Variants in GADL1 observed in about 807,000 individuals in gnomAD.
GADL1 encodes the protein acidic amino acid decarboxylase GADL1.
A neutral mutation model predicts 69.5 loss-of-function variants in GADL1; 71 were observed. The observed-to-expected ratio is 1.02, with a 90% confidence interval of 0.84 to 1.25. The LOEUF (loss-of-function observed/expected upper bound fraction) is 1.25, where lower values mean the gene tolerates loss of function less well. Among genes scored for constraint, GADL1 ranks in the 50% most tolerant of loss-of-function variants. The pLI is 0.00. For synonymous variants in GADL1, 254 were observed against 214.4 expected (o/e 1.18, Z -1.62); for missense variants, 737 against 631.8 (o/e 1.17, Z -1.79).
At chr3:30,753,638 T>TTC (rs398105727) in intron 14 of GADL1, among the ~76,000 whole-genome samples, 2 of 151,996 alleles carry the variant, frequency 1.3e-5, no homozygotes, top group African/African-American at 2.4e-5. Context: ...AGATCACTCT[T>TTC]GTTTACTTGC....
chr3:30,776,416 T>G (rs531743936), intron 14 of GADL1, among the ~76,000 whole-genome samples: 61 of 152,344 alleles, frequency 4.0e-4, no homozygotes, highest in African/African-American at 1.5e-3. Context: ...TTTCTCTTTA[T>G]GGGTTACTTA....
In GADL1 at chr3:30,728,041, CTTCTTT is replaced by C. The variant is rs1238909679; in HGVS notation, c.*195_*200del. ...AAAATCATTTTTTTTTTTAAACTTT[CTTCTTT>C]TAGCAACAGTAATGCCCAGGCAGCT... On this transcript the variant is annotated 3_prime_UTR_variant, in exon 15 of 15. Transcript: ENST00000282538. 2.2e-6 allele frequency: 1 copy of C among 445,640 alleles called. No homozygotes were observed. Among genetic ancestry groups the C allele is most frequent in the African/African-American group, 2.0e-5 (1 of 50,304 alleles). 27.6% of individuals were successfully genotyped at this position (445,640 alleles called of 1,614,324 possible).
intron 9 of GADL1, 77 bp from the exon 10 acceptor site, chr3:30,834,358 C>A: frequency 8.7e-7 from 1 of 1,150,256 alleles, no homozygotes; most frequent in South Asian, 1.3e-5. Context: ...ATAGAAAACC[C>A]TCAGTGAGGA....
At chr3:30,761,196 A>G (rs1394233975) in intron 14 of GADL1, among the ~76,000 whole-genome samples, 1 of 152,226 alleles carries the variant, frequency 6.6e-6, no homozygotes, top group African/African-American at 2.4e-5. Context: ...AAATCAGGCT[A>G]TATTTCTATC....
At chr3:30,844,312 G>A in intron 7 of GADL1, 48 bp from the exon 8 acceptor site, 1 of 1,574,062 alleles carries the variant, frequency 6.4e-7, no homozygotes, top group Non-Finnish European at 8.7e-7. Context: ...GTAATTAACA[G>A]ATAATGATAC....
At chr3:30,766,156 G>T (rs140615235) in intron 14 of GADL1, among the ~76,000 whole-genome samples, 1,674 of 152,248 alleles carry the variant, frequency 0.011, 29 homozygotes, top group African/African-American at 0.039. Context: ...GAAGAAACAA[G>T]TATATATCTG....
chr3:30,768,373 T>C (rs147205017), intron 14 of GADL1, among the ~76,000 whole-genome samples: 12 of 152,206 alleles, frequency 7.9e-5, no homozygotes, highest in African/African-American at 2.4e-4. Flanking sequence ...CATTTGAAGA[T>C]TTTTATTTTC....
chr3:30,763,522 G>GGGGTGGGGGT, intron 14 of GADL1, among the ~76,000 whole-genome samples: 1 of 106,430 alleles, frequency 9.4e-6, no homozygotes, highest in African/African-American at 3.7e-5. Flanking sequence ...GGTGGGGGTG[G>GGGGTGGGGGT]GGGGGAATAT....
At chr3:30,850,140 T>C in intron 5 of GADL1, 29 bp from the exon 6 acceptor site, 2 of 1,238,430 alleles carry the variant, frequency 1.6e-6, no homozygotes, top group Non-Finnish European at 2.4e-6. Flanking sequence ...AATGGCATAT[T>C]TATAGCATGA....
At chr3:30,839,793 CATGAACGGGTACTGGT>C (rs1697937534) in intron 8 of GADL1, among the ~76,000 whole-genome samples, 1 of 152,044 alleles carries the variant, frequency 6.6e-6, no homozygotes, top group Non-Finnish European at 1.5e-5. Flanking sequence ...CATCTTGTGG[CATGAACGGGTACTGGT>C]GGGAAATAGA....
At chr3:30,844,299 T>A in intron 7 of GADL1, 35 bp from the exon 8 acceptor site, 1 of 1,594,058 alleles carries the variant, frequency 6.3e-7, no homozygotes, top group South Asian at 1.1e-5. Context: ...TCAGTTATGT[T>A]TAGTAATTAA....
At chr3:30,874,159 T>C (rs1698543632) in intron 1 of GADL1, among the ~76,000 whole-genome samples, 1 of 151,920 alleles carries the variant, frequency 6.6e-6, no homozygotes, top group Non-Finnish European at 1.5e-5. Context: ...AGGGTGAGGC[T>C]GAAACTCATC....
chr3:30,785,447 C>G (rs1696769087), intron 13 of GADL1, among the ~76,000 whole-genome samples: 1 of 149,446 alleles, frequency 6.7e-6, no homozygotes, highest in African/African-American at 2.5e-5. Context: ...TGCAATGGCG[C>G]GATAGCTCAC....
chr3:30,795,486 T>G (rs951691250), intron 12 of GADL1, among the ~76,000 whole-genome samples: 3 of 152,158 alleles, frequency 2.0e-5, no homozygotes, highest in African/African-American at 7.2e-5. Context: ...ATTTACACCA[T>G]GAAAATTGGC....
At chr3:30,773,978 A>ATT (rs1246454057) in intron 14 of GADL1, among the ~76,000 whole-genome samples, 1 of 152,110 alleles carries the variant, frequency 6.6e-6, no homozygotes, top group African/African-American at 2.4e-5. Context: ...CCAGTACCCA[A>ATT]TTTCCAGTGT....
At chr3:30,873,514 G>A (rs1353857477) in intron 1 of GADL1, among the ~76,000 whole-genome samples, 1 of 151,760 alleles carries the variant, frequency 6.6e-6, no homozygotes, top group Non-Finnish European at 1.5e-5. Flanking sequence ...AGAACATATT[G>A]CTTTCTGTGT....
At chr3:30,840,606 A>T (rs1276052586) in intron 8 of GADL1, among the ~76,000 whole-genome samples, 2 of 152,208 alleles carry the variant, frequency 1.3e-5, no homozygotes, top group African/African-American at 4.8e-5. Context: ...TACTAAAACC[A>T]TTTAAGTTGT....
intron 1 of GADL1, among the ~76,000 whole-genome samples, chr3:30,888,014 C>T (rs1033857298): frequency 6.6e-6 from 1 of 152,158 alleles, no homozygotes; most frequent in African/African-American, 2.4e-5. Context: ...TAAGCACATC[C>T]TCCTGTATAT....
At chr3:30,849,105 A>G (rs951388551) in intron 6 of GADL1, among the ~76,000 whole-genome samples, 1 of 152,124 alleles carries the variant, frequency 6.6e-6, no homozygotes, top group African/African-American at 2.4e-5. Flanking sequence ...CCATGAGGAC[A>G]CACCTAGACT....
Sources: gnomAD v4.1 joint callset for allele counts (sites outside exome capture counted in the v4.1 genomes callset) on GRCh38, gnomAD v4.1.1 for gene constraint, MANE v1.5 for transcripts, NCBI Gene and HGNC (gene_info 2026-07-23, HGNC 2026-07-21) for gene names.